RBFOX3: variants seen among roughly 807,000 people sequenced by gnomAD.
The protein encoded by RBFOX3 is RNA binding fox-1 homolog 3, also known as RNA binding protein fox-1 homolog 3.
Under a neutral mutation model 48.7 loss-of-function variants are expected in RBFOX3, and 17 were observed. The observed-to-expected ratio is 0.35, with a 90% confidence interval of 0.24 to 0.52. The LOEUF is 0.52. Among genes scored for constraint, RBFOX3 ranks in the 20% least tolerant of loss-of-function variants. The probability of loss-of-function intolerance (pLI) is 0.94; values close to 1 mark genes in which losing one functional copy is unlikely to be tolerated. For missense variants in RBFOX3, 382 were observed against 497.5 expected (o/e 0.77, Z 2.21); for synonymous variants, 212 against 209.5 (o/e 1.01, Z -0.10).
At chr17:79,496,090 A>G (rs1237447618) in intron 1 of RBFOX3, among the ~76,000 whole-genome samples, 2 of 152,150 alleles carry the variant, frequency 1.3e-5, no homozygotes, top group South Asian at 4.2e-4. Flanking sequence ...ACTTTTGGAA[A>G]GTGGAGCAAA....
intron 4 of RBFOX3, among the ~76,000 whole-genome samples, chr17:79,200,773 A>G (rs1443969109): frequency 6.6e-6 from 1 of 152,042 alleles, no homozygotes; most frequent in Non-Finnish European, 1.5e-5. Context: ...AAATCCACAA[A>G]ACTGATGGGG....
At chr17:79,250,764 T>A (rs912356780) in intron 3 of RBFOX3, among the ~76,000 whole-genome samples, 12 of 152,034 alleles carry the variant, frequency 7.9e-5, no homozygotes, top group Non-Finnish European at 1.3e-4. Flanking sequence ...TCTTTCCTTT[T>A]CTTTTTCTTT....
intron 2 of RBFOX3, among the ~76,000 whole-genome samples, chr17:79,378,451 C>T (rs977911740): frequency 6.6e-6 from 1 of 152,174 alleles, no homozygotes; most frequent in Non-Finnish European, 1.5e-5. Flanking sequence ...TTAAATAATA[C>T]GATTGAGAGC....
chr17:79,346,333 ATTT>A (rs941638475), intron 2 of RBFOX3, among the ~76,000 whole-genome samples: 3 of 151,816 alleles, frequency 2.0e-5, no homozygotes, highest in African/African-American at 7.2e-5. Context: ...TAACTACACA[ATTT>A]TTTTTTCCAG....
chr17:79,181,235 C>T (rs2051853810), intron 4 of RBFOX3, among the ~76,000 whole-genome samples: 1 of 152,222 alleles, frequency 6.6e-6, no homozygotes, highest in African/African-American at 2.4e-5. Flanking sequence ...GACCAGGACC[C>T]TTACTCTAAA....
chr17:79,137,738 C>T (rs765970923), intron 4 of RBFOX3, among the ~76,000 whole-genome samples: 7 of 152,104 alleles, frequency 4.6e-5, no homozygotes, highest in Non-Finnish European at 8.8e-5. Context: ...TGGATCTAAT[C>T]TTCAGCTGAT....
chr17:79,367,876 G>A (rs535042710), intron 2 of RBFOX3, among the ~76,000 whole-genome samples: 35 of 152,288 alleles, frequency 2.3e-4, no homozygotes, highest in African/African-American at 8.2e-4. Context: ...ACCGACAATC[G>A]TTCACTATGA....
At chr17:79,150,717 G>A (rs920221523) in intron 4 of RBFOX3, among the ~76,000 whole-genome samples, 4 of 152,166 alleles carry the variant, frequency 2.6e-5, no homozygotes, top group Admixed American at 1.3e-4. Context: ...CCCCACACCT[G>A]CCCCACATTC....
intron 1 of RBFOX3, among the ~76,000 whole-genome samples, chr17:79,529,951 G>A (rs1555786894): frequency 6.6e-6 from 1 of 152,232 alleles, no homozygotes; most frequent in African/African-American, 2.4e-5. Context: ...ACAGCCACGT[G>A]GCTCTGAGAG....
chr17:79,328,455 G>C (rs746026395), intron 2 of RBFOX3, among the ~76,000 whole-genome samples: 1 of 152,188 alleles, frequency 6.6e-6, no homozygotes, highest in African/African-American at 2.4e-5. Flanking sequence ...AACACTTGAA[G>C]GTTTTTGGGA....
chr17:79,147,600 C>T (rs952837082), intron 4 of RBFOX3, among the ~76,000 whole-genome samples: 3 of 152,174 alleles, frequency 2.0e-5, no homozygotes. Flanking sequence ...GGGGCCATGG[C>T]TGTCCCCTGC....
At chr17:79,607,258 C>A (rs2093853720) in intron 1 of RBFOX3, among the ~76,000 whole-genome samples, 1 of 152,016 alleles carries the variant, frequency 6.6e-6, no homozygotes, top group African/African-American at 2.4e-5. Flanking sequence ...TTCCCCTTCA[C>A]TTGTTTAAAA....
chr17:79,492,580 G>A (rs1005539703), intron 1 of RBFOX3, among the ~76,000 whole-genome samples: 90 of 152,270 alleles, frequency 5.9e-4, no homozygotes, highest in African/African-American at 1.7e-3. Flanking sequence ...CTGCGGCCCC[G>A]GCCAACATAT....
chr17:79,286,534 G>C (rs1034960544), intron 3 of RBFOX3, among the ~76,000 whole-genome samples: 1 of 152,210 alleles, frequency 6.6e-6, no homozygotes, highest in Non-Finnish European at 1.5e-5. Context: ...CTTATTAACT[G>C]TGCAGGGAGG....
intron 3 of RBFOX3, among the ~76,000 whole-genome samples, chr17:79,245,133 G>T (rs4789970): frequency 0.96 from 145,728 of 151,634 alleles, 70,296 homozygotes; most frequent in East Asian, 1. Context: ...TGGAGTGCAG[G>T]GCCATCTTGG....
intron 2 of RBFOX3, among the ~76,000 whole-genome samples, chr17:79,353,581 C>T (rs1469553274): frequency 2.0e-5 from 3 of 152,238 alleles, no homozygotes; most frequent in African/African-American, 4.8e-5. Flanking sequence ...CATGCAGATG[C>T]TGCAGTGAAG....
intron 1 of RBFOX3, among the ~76,000 whole-genome samples, chr17:79,487,761 A>T (rs2079850796): frequency 6.6e-6 from 1 of 151,818 alleles, no homozygotes; most frequent in Non-Finnish European, 1.5e-5. Flanking sequence ...AATACAAAAA[A>T]TTAGCCAGGT....
intron 4 of RBFOX3, among the ~76,000 whole-genome samples, chr17:79,200,671 T>G (rs931700726): frequency 2.0e-5 from 3 of 152,028 alleles, no homozygotes; most frequent in African/African-American, 7.2e-5. Flanking sequence ...CCAGGAGAGC[T>G]CTGCTGGGCT....
At chr17:79,561,719 C>A (rs1599161868) in intron 1 of RBFOX3, among the ~76,000 whole-genome samples, 2 of 152,186 alleles carry the variant, frequency 1.3e-5, no homozygotes, top group Admixed American at 1.3e-4. Context: ...TTCATCCCGG[C>A]CCGAGTCACA....
Sources: gnomAD v4.1 joint callset for allele counts (sites outside exome capture counted in the v4.1 genomes callset) on GRCh38, gnomAD v4.1.1 for gene constraint, MANE v1.5 for transcripts, NCBI Gene and HGNC (gene_info 2026-07-23, HGNC 2026-07-21) for gene names.